CKAP5: variants seen among roughly 807,000 people sequenced by gnomAD.
CKAP5 encodes cytoskeleton associated protein 5, also known as cytoskeleton-associated protein 5.
In CKAP5, 27 loss-of-function variants were observed where a neutral mutation model predicts 232.8. The ratio of observed to expected loss-of-function variants is 0.12; its 90% CI spans 0.09 to 0.16. The LOEUF (loss-of-function observed/expected upper bound fraction) is 0.16, where lower values mean the gene tolerates loss of function less well. CKAP5 is among the 10% of genes least tolerant of loss of function. The probability of loss-of-function intolerance (pLI) is 1.00; values close to 1 mark genes in which losing one functional copy is unlikely to be tolerated. For missense variants in CKAP5, 1,838 were observed against 2,424.7 expected, an observed-to-expected ratio of 0.76 and a Z score of 5.08; for synonymous variants, 785 against 841.1, an observed-to-expected ratio of 0.93 and a Z score of 1.16.
intron 1 of CKAP5, among the ~76,000 whole-genome samples, chr11:46,842,539 G>A (rs1940079293): frequency 6.6e-6 from 1 of 152,172 alleles, no homozygotes; most frequent in Non-Finnish European, 1.5e-5. Context: ...AGTTCGAGAA[G>A]CCTTATCAAA....
At chr11:46,763,420 C>A in intron 29 of CKAP5, 61 bp downstream of exon 29, 1 of 1,454,060 alleles carries the variant, frequency 6.9e-7, no homozygotes, top group South Asian at 1.3e-5. Flanking sequence ...CAGATTATTT[C>A]ATAGGGCTCG....
intron 8 of CKAP5, among the ~76,000 whole-genome samples, chr11:46,802,515 G>A (rs774799164): frequency 2.6e-5 from 4 of 151,260 alleles, no homozygotes; most frequent in Non-Finnish European, 4.4e-5. Context: ...CTGCACTCCA[G>A]CCTGGGTACC....
At chr11:46,807,905 G>A (rs1198993878) in intron 8 of CKAP5, 126 bp downstream of exon 8, 1 of 607,194 alleles carries the variant, frequency 1.6e-6, no homozygotes, top group Non-Finnish European at 2.8e-6. Context: ...ATGTATGTCT[G>A]TAATTCAAAT....
At chr11:46,760,364 C>T (rs1008024119) in intron 33 of CKAP5, 8 of 643,280 alleles carry the variant, frequency 1.2e-5, no homozygotes, top group African/African-American at 5.4e-5. Flanking sequence ...CCTATAAGTG[C>T]GATACATAAT....
intron 5 of CKAP5, among the ~76,000 whole-genome samples, chr11:46,810,769 A>C (rs2134673278): frequency 6.6e-6 from 1 of 152,336 alleles, no homozygotes; most frequent in East Asian, 1.9e-4. Context: ...CATTTACATC[A>C]TCAGAAGAGT....
chr11:46,761,264 A>T (rs1227367496), intron 32 of CKAP5, among the ~76,000 whole-genome samples: 1 of 151,430 alleles, frequency 6.6e-6, no homozygotes, highest in Non-Finnish European at 1.5e-5. Flanking sequence ...AAAAAAAAAA[A>T]AGAAACGATA....
intron 26 of CKAP5, among the ~76,000 whole-genome samples, chr11:46,768,452 C>T (rs1199651787): frequency 2.0e-5 from 3 of 151,890 alleles, no homozygotes; most frequent in Non-Finnish European, 4.4e-5. Context: ...GGTGGAATTA[C>T]AGGCGTGAGC....
intron 16 of CKAP5, among the ~76,000 whole-genome samples, chr11:46,785,828 C>T (rs12575609): frequency 0.14 from 21,070 of 151,968 alleles, 2,457 homozygotes; most frequent in East Asian, 0.6. Context: ...GCCTGTAGTC[C>T]CAGCTACTTG....
intron 13 of CKAP5, among the ~76,000 whole-genome samples, chr11:46,793,975 A>AT (rs11441129): frequency 0.64 from 97,848 of 151,982 alleles, 33,182 homozygotes; most frequent in Non-Finnish European, 0.77. Flanking sequence ...CAGTAAAATG[A>AT]TTTTTGACAA....
At chr11:46,789,695 C>T (rs1938658341) in intron 15 of CKAP5, among the ~76,000 whole-genome samples, 1 of 152,090 alleles carries the variant, frequency 6.6e-6, no homozygotes, top group East Asian at 1.9e-4. Flanking sequence ...ACTTAGGAGG[C>T]TGAGGCAGGA....
chr11:46,768,925 A>T (rs1172541027), intron 26 of CKAP5, among the ~76,000 whole-genome samples: 1 of 151,428 alleles, frequency 6.6e-6, no homozygotes, highest in Non-Finnish European at 1.5e-5. Flanking sequence ...ATTTATTTTT[A>T]TTTATTTATT....
At chr11:46,844,239 A>G (rs1940125903) in intron 1 of CKAP5, among the ~76,000 whole-genome samples, 1 of 151,370 alleles carries the variant, frequency 6.6e-6, no homozygotes, top group Non-Finnish European at 1.5e-5. Context: ...AAAAAAAAGG[A>G]AAAGAAAGTG....
chr11:46,802,553 G>GAGAGACACAC (rs1555165924), intron 8 of CKAP5, among the ~76,000 whole-genome samples: 1 of 142,460 alleles, frequency 7.0e-6, no homozygotes, highest in African/African-American at 2.7e-5. Context: ...CAGACAGACA[G>GAGAGACACAC]ACAGACACAC....
intron 13 of CKAP5, 130 bp from the exon 14 acceptor site, chr11:46,790,713 G>A: frequency 1.6e-6 from 1 of 635,938 alleles, no homozygotes. Flanking sequence ...CACAAGCTCA[G>A]CTTGCTACAG....
In CKAP5 at chr11:46,809,726, T is replaced by C. The variant is rs2134671397; in HGVS notation, c.763+16A>G. The C allele has an allele frequency of 6.2e-7, 1 of 1,613,642 alleles. No homozygotes were observed. The highest frequency in any genetic ancestry group is 1.1e-5 in the South Asian group (1 of 90,808). On this transcript the variant is annotated intron_variant, in intron 6 of 43. Coordinates refer to ENST00000529230, the MANE Select transcript of CKAP5 (RefSeq NM_001008938.4). The stretch of plus-strand genomic sequence containing the variant: ...TTGCTAATTTTTGCAGAAACCGGTG[T>C]TTAAAATTGGCTTACCTCCTTCAGC...
At chr11:46,756,538 A>G (rs1381094709) in intron 35 of CKAP5, among the ~76,000 whole-genome samples, 1 of 152,222 alleles carries the variant, frequency 6.6e-6, no homozygotes, top group East Asian at 1.9e-4. Flanking sequence ...ATTCTCCTTC[A>G]TAAGTACAAT....
chr11:46,780,615 C>T, intron 18 of CKAP5, 130 bp from the exon 19 acceptor site: 5 of 693,584 alleles, frequency 7.2e-6, no homozygotes, highest in Non-Finnish European at 9.9e-6. Context: ...CCTACACTAA[C>T]TTTATTTTAT....
chr11:46,761,273 TA>T (rs1219349453), intron 32 of CKAP5, among the ~76,000 whole-genome samples: 1 of 146,440 alleles, frequency 6.8e-6, no homozygotes, highest in Non-Finnish European at 1.5e-5. Flanking sequence ...AAAGAAACGA[TA>T]AAAAAAAGAA....
At chr11:46,802,884 C>A (rs1939067405) in intron 8 of CKAP5, among the ~76,000 whole-genome samples, 1 of 152,096 alleles carries the variant, frequency 6.6e-6, no homozygotes. Flanking sequence ...AAATTAGGCA[C>A]CAAAATTTTG....
Sources: gnomAD v4.1 joint callset for allele counts (sites outside exome capture counted in the v4.1 genomes callset) on GRCh38, gnomAD v4.1.1 for gene constraint, MANE v1.5 for transcripts, NCBI Gene and HGNC (gene_info 2026-07-23, HGNC 2026-07-21) for gene names.